Variants in RBMS1 observed in about 807,000 individuals in gnomAD.
RBMS1 encodes the protein RNA binding motif single stranded interacting protein 1.
RBMS1 carries 17 observed loss-of-function variants against 62.3 expected under a neutral mutation model. The observed-to-expected ratio is 0.27, with a 90% CI of 0.19 to 0.41. RBMS1 has a LOEUF of 0.41. Among genes scored for constraint, RBMS1 ranks in the 10% least tolerant of loss-of-function variants. The pLI, the probability that RBMS1 is intolerant of heterozygous loss-of-function variation, is 1.00. For missense variants in RBMS1, 334 were observed against 504.5 expected, an observed-to-expected ratio of 0.66 and a Z score of 3.24; for synonymous variants, 172 against 170.0, an observed-to-expected ratio of 1.01 and a Z score of -0.09.
intron 1 of RBMS1, among the ~76,000 whole-genome samples, chr2:160,447,264 G>A (rs1683694155): frequency 6.6e-6 from 1 of 152,074 alleles, no homozygotes; most frequent in African/African-American, 2.4e-5. Context: ...GATCATGAAG[G>A]CTTGTATAGG....
At chr2:160,309,570 C>G (rs1326080755) in intron 4 of RBMS1, among the ~76,000 whole-genome samples, 1 of 152,162 alleles carries the variant, frequency 6.6e-6, no homozygotes, top group African/African-American at 2.4e-5. Context: ...TTATCAGGAG[C>G]TGACCATGTC....
At chr2:160,484,041 G>GT in intron 1 of RBMS1, among the ~76,000 whole-genome samples, 1 of 133,298 alleles carries the variant, frequency 7.5e-6, no homozygotes, top group South Asian at 2.4e-4. Context: ...GTCTCACTAT[G>GT]TTGCCCAGGC....
intron 2 of RBMS1, among the ~76,000 whole-genome samples, chr2:160,328,663 G>C (rs556155585): frequency 1.3e-5 from 2 of 151,888 alleles, no homozygotes; most frequent in Admixed American, 6.6e-5. Flanking sequence ...CCCTCCCCCC[G>C]CCCCCAACAC....
chr2:160,422,550 C>T (rs1379858483), intron 1 of RBMS1, among the ~76,000 whole-genome samples: 1 of 152,148 alleles, frequency 6.6e-6, no homozygotes, highest in African/African-American at 2.4e-5. Flanking sequence ...GTTTCTCCCT[C>T]ATTCTCTTTA....
intron 1 of RBMS1, among the ~76,000 whole-genome samples, chr2:160,416,906 C>G (rs1295579845): frequency 6.6e-6 from 1 of 152,098 alleles, no homozygotes; most frequent in Non-Finnish European, 1.5e-5. Flanking sequence ...ATAGTTCTAC[C>G]GCAGGACTAG....
intron 1 of RBMS1, among the ~76,000 whole-genome samples, chr2:160,399,165 C>T (rs1384677678): frequency 6.6e-6 from 1 of 152,176 alleles, no homozygotes; most frequent in African/African-American, 2.4e-5. Flanking sequence ...ACCAATTATC[C>T]TGTCTCCTGA....
At chr2:160,466,676 C>G (rs1038688886) in intron 1 of RBMS1, among the ~76,000 whole-genome samples, 1 of 152,200 alleles carries the variant, frequency 6.6e-6, no homozygotes, top group Non-Finnish European at 1.5e-5. Context: ...TTTTAGTTGA[C>G]TTCTTTACAG....
chr2:160,277,503 G>A, intron 11 of RBMS1, 120 bp from the exon 12 acceptor site: 2 of 697,112 alleles, frequency 2.9e-6, no homozygotes, highest in Non-Finnish European at 5.1e-6. Flanking sequence ...ATTTAAATGG[G>A]CTACACCTCA....
chr2:160,340,471 T>TA (rs1364102831), intron 2 of RBMS1, among the ~76,000 whole-genome samples: 1 of 152,042 alleles, frequency 6.6e-6, no homozygotes, highest in African/African-American at 2.4e-5. Context: ...CACGCTAGCA[T>TA]ACCTCAGGGT....
At chr2:160,461,085 C>G (rs530403955) in intron 1 of RBMS1, among the ~76,000 whole-genome samples, 1 of 152,204 alleles carries the variant, frequency 6.6e-6, no homozygotes, top group African/African-American at 2.4e-5. Flanking sequence ...CAGCAAGACC[C>G]CATCTCTTAA....
intron 4 of RBMS1, among the ~76,000 whole-genome samples, chr2:160,306,653 T>A (rs1689542954): frequency 6.6e-6 from 1 of 151,416 alleles, no homozygotes; most frequent in Non-Finnish European, 1.5e-5. Flanking sequence ...AACTCCAAGC[T>A]GGCAGCACAT....
intron 2 of RBMS1, among the ~76,000 whole-genome samples, chr2:160,337,041 C>T (rs536368622): frequency 6.6e-6 from 1 of 152,116 alleles, no homozygotes; most frequent in South Asian, 2.1e-4. Flanking sequence ...GAGATAATCA[C>T]TCACTTTTGG....
chr2:160,288,984 A>C (rs1043012544), intron 6 of RBMS1, among the ~76,000 whole-genome samples: 2 of 152,202 alleles, frequency 1.3e-5, no homozygotes, highest in African/African-American at 4.8e-5. Context: ...AGGTGTGAAT[A>C]AAAGCAGGTA....
intron 1 of RBMS1, among the ~76,000 whole-genome samples, chr2:160,395,684 CGAG>C (rs901223621): frequency 4.0e-5 from 6 of 151,068 alleles, no homozygotes; most frequent in Admixed American, 6.6e-5. Context: ...ACATAATAGT[CGAG>C]GGCATCTATT....
intron 1 of RBMS1, among the ~76,000 whole-genome samples, chr2:160,380,534 G>T (rs924886408): frequency 6.6e-6 from 1 of 152,132 alleles, no homozygotes; most frequent in African/African-American, 2.4e-5. Flanking sequence ...GCAGGAAGAG[G>T]ATACACAAAC....
chr2:160,477,549 T>C lies in RBMS1; in HGVS notation c.75+15740A>G, dbSNP rs151118889. 1.8e-4 allele frequency among the ~76,000 whole-genome samples: 27 copies of C among 151,942 alleles called. No individual in the cohort carries two copies. The East Asian group carries it at 4.6e-3, about 26-fold the overall frequency. On this transcript the variant is annotated intron_variant, in intron 1 of 13. Coordinates refer to ENST00000348849, the MANE Select transcript of RBMS1 (RefSeq NM_016836.4). ...CTCCAAGTAGCTGTGACCACAAATG[T>C]ATGCCACCATGCCTGGCTTTTTTTT...
chr2:160,320,093 C>T (rs1162133856), intron 2 of RBMS1, among the ~76,000 whole-genome samples: 2 of 152,160 alleles, frequency 1.3e-5, no homozygotes, highest in African/African-American at 2.4e-5. Flanking sequence ...TTTCAGCAAC[C>T]ATCTATCTAC....
At chr2:160,358,634 TAA>T (rs1262394024) in intron 2 of RBMS1, among the ~76,000 whole-genome samples, 1 of 152,252 alleles carries the variant, frequency 6.6e-6, no homozygotes, top group South Asian at 2.1e-4. Context: ...ACAAAATTTG[TAA>T]ATGGGTGCAA....
chr2:160,334,021 A>T (rs567462788), intron 2 of RBMS1, among the ~76,000 whole-genome samples: 6 of 152,304 alleles, frequency 3.9e-5, no homozygotes, highest in African/African-American at 1.4e-4. Flanking sequence ...TGAGATGCCC[A>T]TATTTATAAA....
Sources: allele counts gnomAD v4.1 joint callset (sites outside exome capture counted in the v4.1 genomes callset), GRCh38; gene constraint gnomAD v4.1.1; transcripts MANE v1.5; gene names NCBI Gene and HGNC (gene_info 2026-07-23, HGNC 2026-07-21).